Variants in PTPRD observed in about 807,000 individuals in gnomAD.
The protein encoded by PTPRD is protein tyrosine phosphatase receptor type D.
In PTPRD, 34 loss-of-function variants were observed where a neutral mutation model predicts 214.5. That is an observed-to-expected ratio of 0.16 (90% CI 0.12 to 0.21). PTPRD has a LOEUF of 0.21. PTPRD is among the 10% of genes least tolerant of loss of function. The pLI, the probability that PTPRD is intolerant of heterozygous loss-of-function variation, is 1.00. For synonymous variants in PTPRD, 1,128 were observed against 845.7 expected, an observed-to-expected ratio of 1.33 and a Z score of -5.79; for missense variants, 2,545 against 2,398.7, an observed-to-expected ratio of 1.06 and a Z score of -1.27.
chr9:8,562,331 T>C (rs1381380355), intron 14 of PTPRD, among the ~76,000 whole-genome samples: 1 of 152,138 alleles, frequency 6.6e-6, no homozygotes. Context: ...CAATATTAAT[T>C]ATATTGTCAC....
chr9:10,029,770 G>A (rs1186365488), intron 4 of PTPRD, among the ~76,000 whole-genome samples: 1 of 152,266 alleles, frequency 6.6e-6, no homozygotes, highest in East Asian at 1.9e-4. Flanking sequence ...AGTTAATGCT[G>A]AAATGAGTTA....
intron 9 of PTPRD, among the ~76,000 whole-genome samples, chr9:9,257,253 A>T (rs1006779758): frequency 1.3e-5 from 2 of 151,826 alleles, no homozygotes; most frequent in Non-Finnish European, 2.9e-5. Context: ...GAGGAGAGGG[A>T]GTGGAAGTTT....
chr9:8,524,752 G>C (rs2097973823), intron 18 of PTPRD, 173 bp downstream of exon 18: 1 of 750,924 alleles, frequency 1.3e-6, no homozygotes, highest in Non-Finnish European at 2.4e-6. Flanking sequence ...GTCTTTTGGA[G>C]TTAAACAACA....
At chr9:8,342,729 C>T (rs1853670287) in intron 39 of PTPRD, among the ~76,000 whole-genome samples, 1 of 152,034 alleles carries the variant, frequency 6.6e-6, no homozygotes, top group African/African-American at 2.4e-5. Context: ...ATTCAATAAA[C>T]AATGAAGTAC....
chr9:9,830,659 C>A (rs1031878101), intron 5 of PTPRD, among the ~76,000 whole-genome samples: 2 of 151,896 alleles, frequency 1.3e-5, no homozygotes, highest in Non-Finnish European at 2.9e-5. Context: ...CATTCATAAT[C>A]TTTGCATATT....
intron 2 of PTPRD, among the ~76,000 whole-genome samples, chr9:10,466,852 A>T (rs1182910954): frequency 2.0e-5 from 3 of 152,146 alleles, no homozygotes. Flanking sequence ...GGAGAAATAG[A>T]AGCATAATTC....
At chr9:8,757,618 C>T (rs2154472793) in intron 11 of PTPRD, among the ~76,000 whole-genome samples, 1 of 140,594 alleles carries the variant, frequency 7.1e-6, no homozygotes, top group South Asian at 2.2e-4. Context: ...TATATAAATT[C>T]TGCATATATA....
At chr9:8,484,449 T>C in intron 29 of PTPRD, 71 bp from the exon 30 acceptor site, 1 of 1,475,410 alleles carries the variant, frequency 6.8e-7, no homozygotes, top group South Asian at 1.4e-5. Flanking sequence ...TAAACCAATG[T>C]GCACTAGCTT....
rs573589286 is a variant in PTPRD at position 9,528,872 on chromosome 9, T to C, written c.-237+45860A>G. The stretch of plus-strand genomic sequence containing the variant: ...TTTTTCCCATTGAAAATATAAAATT[T>C]ATACAATAAAATATAGGAGAAAAAT... On this transcript the variant is annotated intron_variant, in intron 8 of 45. Coordinates refer to ENST00000381196, the MANE Select transcript of PTPRD (RefSeq NM_002839.4). Among the ~76,000 whole-genome samples the C allele has an allele frequency of 2.6e-5, 4 of 151,920 alleles. No homozygotes were observed. In the South Asian group the frequency reaches 8.3e-4, roughly 32 times the overall value.
Position 8,376,615 on chromosome 9 carries a change from G to T in PTPRD, c.4498C>A (p.Leu1500Ile), listed in dbSNP as rs2083329701. 1.9e-6 allele frequency: 3 copies of T among 1,612,866 alleles called. No individual in the cohort carries two copies. The highest frequency in any genetic ancestry group is 2.5e-6 in the Non-Finnish European group (3 of 1,179,196). The change falls in exon 38 of 46, where the codon CTT becomes ATT. Residue 1500 changes from leucine (L) to isoleucine (I), a missense_variant. Transcript: ENST00000381196. ...AAAGATGAAAAGCAAACCTTGTAAA[G>T]TGCAAATGTTCGAACACAATATGTG... Reference protein sequence around the residue: ...LATYCVRTFALYKNGSSEKRE... With the variant: ...LATYCVRTFAIYKNGSSEKRE...
chr9:9,178,536 G>A (rs2099926293), intron 10 of PTPRD, among the ~76,000 whole-genome samples: 1 of 152,000 alleles, frequency 6.6e-6, no homozygotes, highest in Non-Finnish European at 1.5e-5. Flanking sequence ...ATGGCCTGGG[G>A]TCTTTACAGC....
At chr9:10,027,561 T>C (rs1407165009) in intron 4 of PTPRD, among the ~76,000 whole-genome samples, 3 of 152,208 alleles carry the variant, frequency 2.0e-5, no homozygotes, top group Non-Finnish European at 2.9e-5. Context: ...AAGAGAAGAA[T>C]ATACATGTTC....
intron 4 of PTPRD, among the ~76,000 whole-genome samples, chr9:9,947,117 G>A (rs534922924): frequency 1.4e-3 from 208 of 149,448 alleles, no homozygotes; most frequent in African/African-American, 4.8e-3. Context: ...CTGAAAAGTT[G>A]ACACGTCCCT....
intron 6 of PTPRD, among the ~76,000 whole-genome samples, chr9:9,745,985 G>GA (rs1449604611): frequency 6.6e-6 from 1 of 151,714 alleles, no homozygotes. Flanking sequence ...TTGGGATGGG[G>GA]AAAAAAAGAA....
At chr9:9,157,900 G>T (rs143024750) in intron 10 of PTPRD, among the ~76,000 whole-genome samples, 1 of 152,150 alleles carries the variant, frequency 6.6e-6, no homozygotes, top group Non-Finnish European at 1.5e-5. Flanking sequence ...TGCCCACAGT[G>T]TGTTATTTCC....
At chr9:9,348,264 C>T (rs769189308) in intron 9 of PTPRD, among the ~76,000 whole-genome samples, 1 of 151,952 alleles carries the variant, frequency 6.6e-6, no homozygotes, top group Non-Finnish European at 1.5e-5. Flanking sequence ...TTAAAAAATC[C>T]TTTGGTTAGA....
At chr9:9,933,405 A>T (rs1338824571) in intron 5 of PTPRD, among the ~76,000 whole-genome samples, 2 of 151,706 alleles carry the variant, frequency 1.3e-5, no homozygotes, top group South Asian at 2.1e-4. Context: ...AATGGAAAAC[A>T]AAAAAAGGCA....
chr9:10,173,480 C>T (rs1367502427), intron 3 of PTPRD, among the ~76,000 whole-genome samples: 1 of 152,098 alleles, frequency 6.6e-6, no homozygotes, highest in Non-Finnish European at 1.5e-5. Flanking sequence ...CTCATCAAAA[C>T]TGAAGTCATT....
intron 10 of PTPRD, among the ~76,000 whole-genome samples, chr9:9,080,289 G>C (rs1342432684): frequency 1.3e-5 from 2 of 151,974 alleles, no homozygotes; most frequent in African/African-American, 4.8e-5. Context: ...AATTTACCAT[G>C]TTGCCACTCT....
Sources: gnomAD v4.1 joint callset for allele counts (sites outside exome capture counted in the v4.1 genomes callset) on GRCh38, gnomAD v4.1.1 for gene constraint, MANE v1.5 for transcripts, NCBI Gene and HGNC (gene_info 2026-07-23, HGNC 2026-07-21) for gene names.